The following FBXO31 variants were observed in gnomAD, a reference collection of about 807,000 sequenced individuals.
FBXO31 encodes the protein F-box only protein 31.
In FBXO31, 24 loss-of-function variants were observed where a neutral mutation model predicts 54.4. That is an observed-to-expected ratio of 0.44 (90% CI 0.32 to 0.62). The LOEUF is 0.62. Among genes scored for constraint, FBXO31 ranks in the 20% least tolerant of loss-of-function variants. FBXO31 has a pLI of 0.05. For missense variants in FBXO31, 665 were observed against 787.1 expected (o/e 0.84, Z 1.86); for synonymous variants, 388 against 335.6 (o/e 1.16, Z -1.71).
intron 1 of FBXO31, among the ~76,000 whole-genome samples, chr16:87,360,950 C>T (rs1290980600): frequency 6.6e-6 from 1 of 152,230 alleles, no homozygotes; most frequent in Non-Finnish European, 1.5e-5. Context: ...ACACCCTCAC[C>T]TGCTGACAGC....
rs989682593 is a variant in FBXO31, at chr16:87,343,823, C to A, written c.490-58G>T. Reference sequence around the variant, plus strand: ...GGCTCCCGGGCCAGAGCAAGGGCGGCCCCGCACGGCTCCCCGCACTGCAAT... The same window carrying A: ...GGCTCCCGGGCCAGAGCAAGGGCGGACCCGCACGGCTCCCCGCACTGCAAT... On this transcript the variant is annotated intron_variant, in intron 3 of 8. Transcript: ENST00000311635. 6 of 1,583,446 alleles carry A rather than the reference C, an allele frequency of 3.8e-6. No homozygotes were observed. In the Admixed American group the frequency reaches 1.0e-4, roughly 27 times the overall value.
chr16:87,365,037 A>ATATATCTATC lies in FBXO31; in HGVS notation c.341-4672_341-4671insGATAGATATA, dbSNP rs1489132121. 8.4e-5 allele frequency among the ~76,000 whole-genome samples: 9 copies of ATATATCTATC among 106,892 alleles called. 1 individual carries two copies. Among genetic ancestry groups the ATATATCTATC allele is most frequent in the Non-Finnish European group, 1.2e-4 (6 of 50,932 alleles). 70.1% of individuals were successfully genotyped at this position (106,892 alleles called of 152,430 possible). A position where few individuals can be genotyped will look rare whatever the true frequency, so the allele number is the denominator to read the frequency against. On this transcript the variant is annotated intron_variant, in intron 1 of 8. Transcript: ENST00000311635. ...TATATATATATATATATATATATATATATCAGGCAGGCCACCCAATAATTA... is the reference window on the plus strand; with the variant it reads ...TATATATATATATATATATATATATATATATCTATCTATCAGGCAGGCCACCCAATAATTA...
chr16:87,359,761 G>A (rs747198522), intron 2 of FBXO31, among the ~76,000 whole-genome samples: 1 of 152,188 alleles, frequency 6.6e-6, no homozygotes, highest in Non-Finnish European at 1.5e-5. Flanking sequence ...CTGGGGCCAA[G>A]GAGCCTCTGC....
In FBXO31 at chr16:87,358,190, G is replaced by C. The variant is rs1469865832; in HGVS notation, c.412+2105C>G. On this transcript the variant is annotated intron_variant, in intron 2 of 8. Transcript: ENST00000311635. This position sits in a 1 kb window ranked among gnomAD's most constrained non-coding sequence, Gnocchi z 4.0. ...AGTACCCAGAAACCACTGCAGAAAG[G>C]TAAGCCAAATGCAGCCTGGGTCCAA... is the stretch of plus-strand genomic sequence containing the variant. Among the ~76,000 whole-genome samples, 1 of 152,138 alleles carries C rather than the reference G, an allele frequency of 6.6e-6. No individual in the cohort carries two copies. The highest frequency in any genetic ancestry group is 1.5e-5 in the Non-Finnish European group (1 of 68,036).
chr16:87,368,787 T>G (rs1906474455), intron 1 of FBXO31, among the ~76,000 whole-genome samples: 1 of 152,108 alleles, frequency 6.6e-6, no homozygotes, highest in South Asian at 2.1e-4. Flanking sequence ...ATTTAGATAG[T>G]TTCTTTGTTT....
chr16:87,383,754 T>G lies in FBXO31; in HGVS notation c.-10A>C. ...GAGCACACACCGCCATGCCGCCCAG[T>G]GACGGCCACTGCTGCCGCCTGTGCG... On this transcript the variant is annotated 5_prime_UTR_variant, in exon 1 of 9. Transcript: ENST00000311635. The surrounding 1 kb of genome is among the most constrained non-coding windows in gnomAD (Gnocchi z 4.9). 2 of 1,199,794 alleles carry G rather than the reference T, an allele frequency of 1.7e-6. No individual in the cohort carries two copies. Among genetic ancestry groups the G allele is most frequent in the Non-Finnish European group, 2.1e-6 (2 of 969,612 alleles). The allele number at this position is 1,199,794 out of a possible 1,614,324, so 74.3% of individuals were successfully genotyped here. A position where few individuals can be genotyped will look rare whatever the true frequency, so the allele number is the denominator to read the frequency against.
intron 1 of FBXO31, among the ~76,000 whole-genome samples, chr16:87,375,262 G>A (rs1379080060): frequency 4.6e-5 from 7 of 151,832 alleles, no homozygotes; most frequent in Admixed American, 6.6e-5. Context: ...AGCCAAGATC[G>A]CGCCACTGCA....
chr16:87,383,637 G>C lies in FBXO31; in HGVS notation c.108C>G (p.Asp36Glu), dbSNP rs774306603. The C allele has an allele frequency of 7.3e-7, 1 of 1,368,678 alleles. No homozygotes were observed. Among genetic ancestry groups the C allele is most frequent in the South Asian group, 1.8e-5 (1 of 56,326 alleles). 84.8% of individuals were successfully genotyped at this position (1,368,678 alleles called of 1,614,324 possible). A position where few individuals can be genotyped will look rare whatever the true frequency, so the allele number is the denominator to read the frequency against. Residue 36 changes from aspartate (D) to glutamate (E), a missense_variant, in exon 1 of 9, where the codon GAC (aspartate) becomes GAG (glutamate). Transcript: ENST00000311635. The surrounding 1 kb of genome is among the most constrained non-coding windows in gnomAD (Gnocchi z 4.9). ...CGATGCGCTCCTCCTCGGGGTCTGTGTCCGGCTCGCTGTCGGCCGCCGCCG... is the reference window on the plus strand; with the variant it reads ...CGATGCGCTCCTCCTCGGGGTCTGTCTCCGGCTCGCTGTCGGCCGCCGCCG... The part of the protein sequence containing the change: ...AETAAADSEP[D>E]TDPEEERIEA...
intron 8 of FBXO31, among the ~76,000 whole-genome samples, chr16:87,333,410 G>C (rs1350052016): frequency 6.6e-6 from 1 of 152,160 alleles, no homozygotes; most frequent in Non-Finnish European, 1.5e-5. Context: ...CGCACCGGGA[G>C]ATGGCCAAAG....
At chr16:87,378,724 G>C (rs572316311) in intron 1 of FBXO31, among the ~76,000 whole-genome samples, 1 of 152,306 alleles carries the variant, frequency 6.6e-6, no homozygotes, top group Admixed American at 6.5e-5. Flanking sequence ...CACTTTGGGA[G>C]GCAGAGGCGG....
At chr16:87,391,239 C>T (rs1301195782), upstream of FBXO31, among the ~76,000 whole-genome samples, 2 of 152,056 alleles carry the variant, frequency 1.3e-5, no homozygotes, top group Non-Finnish European at 2.9e-5. Flanking sequence ...CCCAGGCGAC[C>T]GAGGCCGCCG....
rs1216531278 is a variant in FBXO31 at position 87,379,392 on chromosome 16, G to T, written c.340+4013C>A. On this transcript the variant is annotated intron_variant, in intron 1 of 8. Coordinates refer to ENST00000311635, the MANE Select transcript of FBXO31 (RefSeq NM_024735.5). ...AGAGGGCATGGGGTAGGTACAAGGA[G>T]TGTGGAGGAATTCATCTTAAACAGG... Among the ~76,000 whole-genome samples, 3 of 152,334 alleles carry T rather than the reference G, an allele frequency of 2.0e-5. No homozygotes were observed. In the East Asian group the frequency reaches 5.8e-4, roughly 29 times the overall value.
At chr16:87,343,431 G>A (rs945802549) in intron 4 of FBXO31, among the ~76,000 whole-genome samples, 167 bp downstream of exon 4, 2 of 152,252 alleles carry the variant, frequency 1.3e-5, no homozygotes, top group Admixed American at 6.5e-5. Context: ...AGTCCACTGC[G>A]CCACGGAGGC....
chr16:87,357,033 C>T (rs1023121602), intron 2 of FBXO31, among the ~76,000 whole-genome samples: 10 of 152,030 alleles, frequency 6.6e-5, no homozygotes, highest in African/African-American at 2.4e-4. Context: ...AATGAATGAG[C>T]CCAAGAGTAC....
intron 1 of FBXO31, among the ~76,000 whole-genome samples, chr16:87,370,880 C>T (rs1906573742): frequency 6.6e-6 from 1 of 152,184 alleles, no homozygotes; most frequent in Non-Finnish European, 1.5e-5. Context: ...CCATAGGAAA[C>T]ATGGCTTAAA....
intron 1 of FBXO31, among the ~76,000 whole-genome samples, chr16:87,377,758 G>A (rs1906886370): frequency 6.6e-6 from 1 of 151,876 alleles, no homozygotes; most frequent in East Asian, 1.9e-4. Context: ...CAGCCAGGGA[G>A]GTTGAGGCTG....
chr16:87,376,224 A>T (rs946363955), intron 1 of FBXO31, among the ~76,000 whole-genome samples: 1 of 150,792 alleles, frequency 6.6e-6, no homozygotes, highest in Non-Finnish European at 1.5e-5. Flanking sequence ...TCCCACTCCC[A>T]TTTTTGTTGC....
chr16:87,352,568 C>T (rs909220510), intron 2 of FBXO31, among the ~76,000 whole-genome samples: 4 of 152,160 alleles, frequency 2.6e-5, no homozygotes, highest in African/African-American at 7.2e-5. Flanking sequence ...AGGTCCAGCC[C>T]GGAGGTCCAG....
intron 1 of FBXO31, among the ~76,000 whole-genome samples, chr16:87,372,788 A>C (rs1371097544): frequency 6.8e-6 from 1 of 146,084 alleles, no homozygotes; most frequent in African/African-American, 2.6e-5. Context: ...GCTGGAGTGC[A>C]GTGGTGTGAT....
Sources: allele counts gnomAD v4.1 joint callset (sites outside exome capture counted in the v4.1 genomes callset), GRCh38; gene constraint gnomAD v4.1.1; non-coding constraint Gnocchi (gnomAD v3.1); transcripts MANE v1.5; gene names NCBI Gene and HGNC (gene_info 2026-07-23, HGNC 2026-07-21).